B3GLCT: variants seen among roughly 807,000 people sequenced by gnomAD.
The protein encoded by B3GLCT is beta 3-glucosyltransferase, also known as beta-1,3-glucosyltransferase.
Under a neutral mutation model 63.4 loss-of-function variants are expected in B3GLCT, and 65 were observed. The observed-to-expected ratio is 1.03, with a 90% CI of 0.84 to 1.26. The LOEUF (loss-of-function observed/expected upper bound fraction) is 1.26. Ranked by LOEUF, B3GLCT falls within the 50% of genes most tolerant of loss-of-function variation. The pLI is 0.00. For synonymous variants in B3GLCT, 233 were observed against 219.2 expected, an observed-to-expected ratio of 1.06 and a Z score of -0.55; for missense variants, 577 against 604.8, an observed-to-expected ratio of 0.95 and a Z score of 0.48.
intron 6 of B3GLCT, among the ~76,000 whole-genome samples, chr13:31,259,071 C>T (rs1185303039): frequency 2.6e-5 from 4 of 152,032 alleles, no homozygotes; most frequent in East Asian, 1.9e-4. Flanking sequence ...TTACTAACTT[C>T]AGTTCTTTCA....
At chr13:31,266,122 C>G (rs1000674930) in intron 7 of B3GLCT, among the ~76,000 whole-genome samples, 6 of 152,062 alleles carry the variant, frequency 3.9e-5, no homozygotes, top group African/African-American at 1.4e-4. Context: ...CTCAGCCTCC[C>G]GAGTAGCTGG....
At chr13:31,230,756 TC>T (rs1870337401) in intron 4 of B3GLCT, among the ~76,000 whole-genome samples, 5 of 152,176 alleles carry the variant, frequency 3.3e-5, no homozygotes, top group Admixed American at 2.0e-4. Flanking sequence ...ACGCCTATAA[TC>T]CCAGCACTTT....
At chr13:31,269,977 G>A (rs1178400295) in intron 8 of B3GLCT, among the ~76,000 whole-genome samples, 9 of 152,156 alleles carry the variant, frequency 5.9e-5, no homozygotes, top group Admixed American at 1.3e-4. Context: ...AGACTAAGAC[G>A]TATGCCTTTG....
chr13:31,282,080 G>C (rs889706137), intron 10 of B3GLCT, among the ~76,000 whole-genome samples: 2 of 152,060 alleles, frequency 1.3e-5, no homozygotes, highest in Non-Finnish European at 1.5e-5. Context: ...ATTATTATAG[G>C]AAGTATACTT....
At chr13:31,292,431 G>C (rs182754362) in intron 12 of B3GLCT, among the ~76,000 whole-genome samples, 1 of 152,256 alleles carries the variant, frequency 6.6e-6, no homozygotes, top group African/African-American at 2.4e-5. Flanking sequence ...CTGTGAGTCT[G>C]TCTGGTTCTG....
chr13:31,271,504 A>G (rs565426935), intron 8 of B3GLCT, among the ~76,000 whole-genome samples: 27 of 152,254 alleles, frequency 1.8e-4, no homozygotes, highest in Non-Finnish European at 2.5e-4. Flanking sequence ...TTTTTTGACT[A>G]TGACCCACTT....
intron 10 of B3GLCT, among the ~76,000 whole-genome samples, chr13:31,283,973 T>C (rs748287626): frequency 3.3e-5 from 5 of 152,204 alleles, no homozygotes; most frequent in African/African-American, 4.8e-5. Context: ...TAATATCAAG[T>C]AGTGGTAAGT....
chr13:31,240,275 C>T (rs1352530442), intron 4 of B3GLCT, among the ~76,000 whole-genome samples: 2 of 152,154 alleles, frequency 1.3e-5, no homozygotes, highest in South Asian at 2.1e-4. Context: ...TCTATACTCT[C>T]TCCACCTGAA....
chr13:31,253,222 G>T (rs1566064003), intron 6 of B3GLCT, among the ~76,000 whole-genome samples: 1 of 152,268 alleles, frequency 6.6e-6, no homozygotes, highest in East Asian at 1.9e-4. Context: ...AGTGTGTAGA[G>T]GGAAATCTAT....
intron 2 of B3GLCT, among the ~76,000 whole-genome samples, chr13:31,220,879 T>C (rs1177339967): frequency 6.6e-6 from 1 of 152,258 alleles, no homozygotes. Flanking sequence ...TCTAGAACTG[T>C]AGCATTCTGG....
At chr13:31,268,318 A>C (rs995085422) in intron 7 of B3GLCT, among the ~76,000 whole-genome samples, 2 of 152,144 alleles carry the variant, frequency 1.3e-5, no homozygotes, top group Admixed American at 1.3e-4. Flanking sequence ...TATGTTGTCT[A>C]ATTCATTCAG....
rs114851514 is a variant in B3GLCT, at chr13:31,275,403, G to T, written c.780+775G>T. Among the ~76,000 whole-genome samples the T allele has an allele frequency of 3.4e-3, 524 of 152,280 alleles. 4 individuals carry two copies. The highest frequency in any genetic ancestry group is 0.012 in the African/African-American group (500 of 41,552). ...GGACTGCCCACCATAGCGCTTTAGG[G>T]TTAGTGTGCCCAGACTCATTTCTTT... On this transcript the variant is annotated intron_variant, in intron 9 of 14. Coordinates refer to ENST00000343307, the MANE Select transcript of B3GLCT (RefSeq NM_194318.4).
chr13:31,211,926 G>A (rs1869280253), intron 1 of B3GLCT, among the ~76,000 whole-genome samples: 1 of 152,130 alleles, frequency 6.6e-6, no homozygotes, highest in Middle Eastern at 3.2e-3. Context: ...GCACTTTGTT[G>A]TCATATAGCT....
At chr13:31,268,464 G>A (rs747668559) in intron 7 of B3GLCT, among the ~76,000 whole-genome samples, 1 of 152,198 alleles carries the variant, frequency 6.6e-6, no homozygotes, top group Non-Finnish European at 1.5e-5. Context: ...TCCGTGCTTT[G>A]TACTCTGGTG....
intron 12 of B3GLCT, among the ~76,000 whole-genome samples, chr13:31,294,656 A>G (rs938807845): frequency 2.0e-5 from 3 of 152,174 alleles, no homozygotes; most frequent in African/African-American, 7.2e-5. Context: ...TTTCAGCTCC[A>G]TCAGGTTATT....
intron 2 of B3GLCT, among the ~76,000 whole-genome samples, chr13:31,216,127 A>AT (rs199860677): frequency 0.016 from 1,910 of 119,770 alleles, 42 homozygotes; most frequent in African/African-American, 0.05. Flanking sequence ...GTGTAAAAGC[A>AT]TTTTTTTAAT....
intron 12 of B3GLCT, among the ~76,000 whole-genome samples, chr13:31,297,878 T>C (rs767904714): frequency 9.2e-5 from 14 of 152,136 alleles, no homozygotes; most frequent in Non-Finnish European, 1.9e-4. Flanking sequence ...AAGATACAGA[T>C]GAAGAGATGT....
chr13:31,232,995 G>A (rs1343449922), intron 4 of B3GLCT, among the ~76,000 whole-genome samples: 1 of 152,116 alleles, frequency 6.6e-6, no homozygotes, highest in Admixed American at 6.5e-5. Context: ...CCGTATGTAC[G>A]CATGCATGCA....
At chr13:31,200,940 A>T (rs1247107149) in intron 1 of B3GLCT, among the ~76,000 whole-genome samples, 1 of 150,710 alleles carries the variant, frequency 6.6e-6, no homozygotes, top group East Asian at 2.0e-4. Flanking sequence ...TGTAATGCCC[A>T]TTCTTTTTTA....
Sources: gnomAD v4.1 joint callset for allele counts (sites outside exome capture counted in the v4.1 genomes callset) on GRCh38, gnomAD v4.1.1 for gene constraint, MANE v1.5 for transcripts, NCBI Gene and HGNC (gene_info 2026-07-23, HGNC 2026-07-21) for gene names.